TUBB3: variants seen among roughly 807,000 people sequenced by gnomAD.
The protein encoded by TUBB3 is tubulin beta 3 class III.
TUBB3 carries 17 observed loss-of-function variants against 37.8 expected under a neutral mutation model. The observed-to-expected ratio is 0.45, with a 90% confidence interval of 0.31 to 0.67. The LOEUF is 0.67. TUBB3 is among the 30% of genes least tolerant of loss of function. The probability of loss-of-function intolerance (pLI) is 0.07; values close to 1 mark genes in which losing one functional copy is unlikely to be tolerated. For missense variants in TUBB3, 262 were observed against 657.9 expected (o/e 0.40, Z 6.58); for synonymous variants, 332 against 278.9 (o/e 1.19, Z -1.90).
At chr16:89,928,050 A>G (rs550473437) in intron 1 of TUBB3, among the ~76,000 whole-genome samples, 2 of 151,958 alleles carry the variant, frequency 1.3e-5, no homozygotes, top group South Asian at 2.1e-4. Context: ...ACAAGCCCCA[A>G]ATGCCTCAGG....
At position 89,932,550 on chromosome 16, in the gene TUBB3, C is replaced by T. The variant is rs78656983; in HGVS notation, c.58-21C>T. 1.3e-3 allele frequency: 2,066 copies of T among 1,608,072 alleles called. 1 individual carries two copies. Among genetic ancestry groups the T allele is most frequent in the East Asian group, 3.2e-3 (145 of 44,856 alleles). On this transcript the variant is annotated intron_variant, in intron 1 of 3. Transcript: ENST00000315491. Reference sequence around the variant, plus strand: ...GGGCTATGGGCCGGTGCCGACCCCCCCTCTCCCACTTTGTTTGCAGTTCTG... The same window carrying T: ...GGGCTATGGGCCGGTGCCGACCCCCTCTCTCCCACTTTGTTTGCAGTTCTG...
At position 89,935,486 on chromosome 16, in the gene TUBB3, C is replaced by T. The variant is rs2030424017; in HGVS notation, c.1035C>T (p.Ile345=). 3 of 1,614,228 alleles carry T rather than the reference C, an allele frequency of 1.9e-6. No individual in the cohort carries two copies. Among genetic ancestry groups the T allele is most frequent in the Non-Finnish European group, 1.7e-6 (2 of 1,180,044 alleles). The stretch of plus-strand genomic sequence containing the variant: ...ACAGCAGCTACTTCGTGGAGTGGAT[C>T]CCCAACAACGTGAAGGTGGCCGTGT... The part of the protein sequence containing the change: ...SKNSSYFVEW[I]PNNVKVAVCD... Residue 345 remains isoleucine, a synonymous_variant, in exon 4 of 4, where the codon ATC becomes ATT. Coordinates refer to ENST00000315491, the MANE Select transcript of TUBB3 (RefSeq NM_006086.4).
At chr16:89,924,437 C>A (rs973208444) in intron 1 of TUBB3, among the ~76,000 whole-genome samples, 1 of 147,824 alleles carries the variant, frequency 6.8e-6, no homozygotes, top group South Asian at 2.2e-4. Flanking sequence ...AGGATCTGCC[C>A]TCCGAACAGT....
At chr16:89,928,015 G>A (rs1007924721) in intron 1 of TUBB3, among the ~76,000 whole-genome samples, 5 of 152,190 alleles carry the variant, frequency 3.3e-5, no homozygotes, top group African/African-American at 1.2e-4. Context: ...GTGTTAGGGA[G>A]GCAAGCAGTA....
At position 89,923,399 on chromosome 16, in the gene TUBB3, A is replaced by G; in HGVS notation, c.-3A>G. On this transcript the variant is annotated 5_prime_UTR_variant, in exon 1 of 4. Transcript: ENST00000315491. ...CCGCAGCCGCCCGCCAGACGCGCCC[A>G]GTATGAGGGAGATCGTGCACATCCA... 2.0e-6 allele frequency: 3 copies of G among 1,489,016 alleles called. No homozygotes were observed. The highest frequency in any genetic ancestry group is 5.9e-5 in the East Asian group (2 of 33,676). 92.2% of individuals were successfully genotyped at this position (1,489,016 alleles called of 1,614,324 possible).
At chr16:89,932,704 A>T in intron 2 of TUBB3, 25 bp downstream of exon 2, 1 of 1,590,426 alleles carries the variant, frequency 6.3e-7, no homozygotes, top group Non-Finnish European at 8.6e-7. Context: ...CAGCCTCCCT[A>T]TCCCAGCCCT....
In TUBB3 at chr16:89,933,788, G is replaced by C. The variant is rs1275516748; in HGVS notation, c.277+210G>C. On this transcript the variant is annotated intron_variant, in intron 3 of 3. Coordinates refer to ENST00000315491, the MANE Select transcript of TUBB3 (RefSeq NM_006086.4). Reference sequence around the variant, plus strand: ...AACAGAAACCACTCATGCATTTCAAGTGGAATGAAGTGTAAAGCAGACAGA... The same window carrying C: ...AACAGAAACCACTCATGCATTTCAACTGGAATGAAGTGTAAAGCAGACAGA... 4 of 703,756 alleles carry C rather than the reference G, an allele frequency of 5.7e-6. No homozygotes were observed. The South Asian group carries it at 5.9e-5, about 10-fold the overall frequency. 43.6% of individuals were successfully genotyped at this position (703,756 alleles called of 1,614,324 possible).
At chr16:89,925,273 C>A (rs1210387265) in intron 1 of TUBB3, among the ~76,000 whole-genome samples, 1 of 152,056 alleles carries the variant, frequency 6.6e-6, no homozygotes, top group Non-Finnish European at 1.5e-5. Context: ...TTTGTTTTTT[C>A]TTAATATATT....
chr16:89,924,123 G>C (rs2029984907), intron 1 of TUBB3, among the ~76,000 whole-genome samples: 1 of 152,260 alleles, frequency 6.6e-6, no homozygotes. Context: ...TACCAGTCTG[G>C]GGATTGGATG....
At chr16:89,932,056 C>T in intron 1 of TUBB3, 1 of 292,106 alleles carries the variant, frequency 3.4e-6, no homozygotes, top group Non-Finnish European at 6.9e-6. Context: ...CAGTAATGTC[C>T]TGGCACCATC....
At chr16:89,924,989 G>C (rs1358945071) in intron 1 of TUBB3, among the ~76,000 whole-genome samples, 1 of 151,746 alleles carries the variant, frequency 6.6e-6, no homozygotes, top group Non-Finnish European at 1.5e-5. Context: ...GGAGGGTCAG[G>C]GGTCTCTGGG....
intron 1 of TUBB3, among the ~76,000 whole-genome samples, chr16:89,923,744 C>T (rs889393538): frequency 6.6e-6 from 1 of 152,204 alleles, no homozygotes; most frequent in Non-Finnish European, 1.5e-5. Context: ...TGCACCCCCT[C>T]CACCGGGCCT....
At chr16:89,929,626 G>T (rs562715654) in intron 1 of TUBB3, among the ~76,000 whole-genome samples, 17 of 152,242 alleles carry the variant, frequency 1.1e-4, no homozygotes, top group African/African-American at 3.9e-4. Flanking sequence ...TCCCAGTCTG[G>T]GGCCCCTCCC....
chr16:89,925,043 C>T (rs530049584), intron 1 of TUBB3, among the ~76,000 whole-genome samples: 3 of 152,162 alleles, frequency 2.0e-5, no homozygotes, highest in Non-Finnish European at 4.4e-5. Flanking sequence ...GGGGTTTCTC[C>T]TTCTATGGCT....
intron 1 of TUBB3, 21 bp from the exon 2 acceptor site, chr16:89,932,550 C>CA: frequency 6.2e-7 from 1 of 1,608,074 alleles, no homozygotes; most frequent in African/African-American, 1.3e-5. Context: ...GCCGACCCCC[C>CA]CTCTCCCACT....
chr16:89,927,479 A>T (rs1597420333), intron 1 of TUBB3, among the ~76,000 whole-genome samples: 1 of 152,024 alleles, frequency 6.6e-6, no homozygotes, highest in Admixed American at 6.6e-5. Flanking sequence ...TCTCCTGGTT[A>T]AAAAAAACCT....
upstream of TUBB3, chr16:89,921,976 ACTT>A (rs1382524617): frequency 2.6e-5 from 4 of 152,318 alleles, no homozygotes; most frequent in Non-Finnish European, 5.9e-5. Context: ...AGGCTGCAAA[ACTT>A]CTTCCCTCGT....
Position 89,924,468 on chromosome 16 carries a change from G to C in TUBB3, c.57+1010G>C, listed in dbSNP as rs534407894. 5.3e-4 allele frequency among the ~76,000 whole-genome samples: 80 copies of C among 152,192 alleles called. 1 individual carries two copies. The Middle Eastern group carries it at 0.01, about 19-fold the overall frequency. ...ACAGTGTTGGGGAACAGGGGATCGG[G>C]GGGGGAGGCTGGCTTTGTCAGGACC... On this transcript the variant is annotated intron_variant, in intron 1 of 3. Transcript: ENST00000315491.
At position 89,934,938 on chromosome 16, in the gene TUBB3, A is replaced by C; in HGVS notation, c.487A>C (p.Ile163Leu). 1.2e-6 allele frequency: 2 copies of C among 1,614,202 alleles called. No individual in the cohort carries two copies. The highest frequency in any genetic ancestry group is 1.7e-6 in the Non-Finnish European group (2 of 1,180,032). ...SKVREEYPDRIMNTFSVVPSP... is the reference protein window; with the variant it reads ...SKVREEYPDRLMNTFSVVPSP... ...GGTGCGTGAGGAGTATCCCGACCGC[A>C]TCATGAACACCTTCAGCGTCGTGCC... Residue 163 changes from isoleucine to leucine, a missense_variant, in exon 4 of 4, where the codon ATC (isoleucine) becomes CTC (leucine). Ile to Leu is a conservative substitution (Grantham distance 5). Transcript: ENST00000315491.
Sources: gnomAD v4.1 joint callset for allele counts (sites outside exome capture counted in the v4.1 genomes callset) on GRCh38, gnomAD v4.1.1 for gene constraint, MANE v1.5 for transcripts, NCBI Gene and HGNC (gene_info 2026-07-23, HGNC 2026-07-21) for gene names.